The following ROBO1 variants were observed in gnomAD, a reference collection of about 807,000 sequenced individuals.
The protein encoded by ROBO1 is roundabout homolog 1.
Under a neutral mutation model 195.9 loss-of-function variants are expected in ROBO1, and 149 were observed. The ratio of observed to expected loss-of-function variants is 0.76; its 90% CI spans 0.67 to 0.87. ROBO1 has a LOEUF of 0.87. Among genes scored for constraint, ROBO1 ranks in the 40% least tolerant of loss-of-function variants. ROBO1 has a pLI of 0.00. For synonymous variants in ROBO1, 816 were observed against 733.2 expected (o/e 1.11, Z -1.82); for missense variants, 1,933 against 2,068.3 (o/e 0.93, Z 1.27).
intron 1 of ROBO1, among the ~76,000 whole-genome samples, chr3:79,746,952 G>A (rs907888796): frequency 3.3e-5 from 5 of 151,960 alleles, no homozygotes; most frequent in African/African-American, 1.2e-4. Context: ...CAGGTGATCA[G>A]TTATACTTTG....
At chr3:78,873,220 T>C (rs2035647447) in intron 4 of ROBO1, among the ~76,000 whole-genome samples, 1 of 152,180 alleles carries the variant, frequency 6.6e-6, no homozygotes, top group African/African-American at 2.4e-5. Flanking sequence ...TACTTCCTAC[T>C]TTTCTTTCCT....
At chr3:78,884,648 AAAGG>A (rs780597106) in intron 4 of ROBO1, among the ~76,000 whole-genome samples, 11,235 of 106,740 alleles carry the variant, frequency 0.11, 594 homozygotes, top group East Asian at 0.12. Flanking sequence ...AGAAAGAAAG[AAAGG>A]AAGGAAGGAA....
At chr3:79,080,490 T>C (rs368314264) in intron 3 of ROBO1, among the ~76,000 whole-genome samples, 1 of 152,026 alleles carries the variant, frequency 6.6e-6, no homozygotes, top group Admixed American at 6.6e-5. Context: ...CTAGACTATC[T>C]TTCAGTTTCT....
At chr3:79,441,455 T>C (rs890045024) in intron 2 of ROBO1, among the ~76,000 whole-genome samples, 1 of 152,172 alleles carries the variant, frequency 6.6e-6, no homozygotes, top group African/African-American at 2.4e-5. Flanking sequence ...CCAATCAGTT[T>C]TTAAGTAAAT....
intron 1 of ROBO1, among the ~76,000 whole-genome samples, chr3:79,749,206 G>T (rs565303844): frequency 2.0e-5 from 3 of 152,212 alleles, no homozygotes; most frequent in African/African-American, 7.2e-5. Flanking sequence ...GTGACATTTT[G>T]CCCCTGCCCT....
At chr3:78,864,222 T>C (rs1186978079) in intron 4 of ROBO1, among the ~76,000 whole-genome samples, 1 of 152,214 alleles carries the variant, frequency 6.6e-6, no homozygotes, top group African/African-American at 2.4e-5. Flanking sequence ...ATTTACCTTT[T>C]CTTGAACTCT....
intron 3 of ROBO1, among the ~76,000 whole-genome samples, chr3:78,950,339 T>A (rs1282141458): frequency 1.3e-5 from 2 of 151,156 alleles, no homozygotes; most frequent in Non-Finnish European, 2.9e-5. Context: ...CCATAAAAGA[T>A]CATGAGTTCA....
chr3:79,636,334 C>T (rs907447561), intron 1 of ROBO1, among the ~76,000 whole-genome samples: 1 of 152,028 alleles, frequency 6.6e-6, no homozygotes, highest in Non-Finnish European at 1.5e-5. Context: ...AGAGAAACAA[C>T]AAAAATAGGG....
chr3:78,909,261 CA>C (rs1337923608), intron 4 of ROBO1, among the ~76,000 whole-genome samples: 1 of 151,536 alleles, frequency 6.6e-6, no homozygotes, highest in African/African-American at 2.4e-5. Context: ...AAAAAATTCA[CA>C]TTAAATTTAA....
At chr3:78,634,115 C>T (rs1705344623) in intron 23 of ROBO1, 73 bp from the exon 24 acceptor site, 1 of 996,324 alleles carries the variant, frequency 1.0e-6, no homozygotes, top group African/African-American at 1.6e-5. Flanking sequence ...TCTGCTTTCT[C>T]TATATTTCTG....
intron 10 of ROBO1, among the ~76,000 whole-genome samples, chr3:78,676,042 C>A (rs1291903678): frequency 6.6e-6 from 1 of 152,062 alleles, no homozygotes; most frequent in Non-Finnish European, 1.5e-5. Flanking sequence ...CTGCAGCCAC[C>A]GCTGCTGGTA....
At chr3:79,414,798 A>T (rs962421785) in intron 2 of ROBO1, among the ~76,000 whole-genome samples, 3 of 152,118 alleles carry the variant, frequency 2.0e-5, no homozygotes, top group Admixed American at 1.3e-4. Context: ...CAAATCTGCA[A>T]TTTTTTAACA....
At chr3:79,420,850 T>A (rs950391695) in intron 2 of ROBO1, among the ~76,000 whole-genome samples, 3 of 152,130 alleles carry the variant, frequency 2.0e-5, no homozygotes, top group Non-Finnish European at 2.9e-5. Flanking sequence ...CAGTTACCAT[T>A]TGACCCAGAA....
At chr3:79,739,127 T>C (rs1220833595) in intron 1 of ROBO1, among the ~76,000 whole-genome samples, 1 of 152,158 alleles carries the variant, frequency 6.6e-6, no homozygotes, top group Non-Finnish European at 1.5e-5. Context: ...TACTGTCTGG[T>C]TTATTGGATT....
chr3:78,829,637 T>G (rs1274680827), intron 4 of ROBO1, among the ~76,000 whole-genome samples: 1 of 152,130 alleles, frequency 6.6e-6, no homozygotes, highest in Non-Finnish European at 1.5e-5. Flanking sequence ...ACTAATGATT[T>G]CCCCCTCTAC....
At chr3:79,354,913 A>C (rs2035482815) in intron 2 of ROBO1, among the ~76,000 whole-genome samples, 1 of 152,208 alleles carries the variant, frequency 6.6e-6, no homozygotes, top group South Asian at 2.1e-4. Context: ...CACGCCTGTA[A>C]TCCCAACACT....
At chr3:79,580,315 C>CA (rs113105306) in intron 2 of ROBO1, among the ~76,000 whole-genome samples, 26 of 149,880 alleles carry the variant, frequency 1.7e-4, no homozygotes, top group African/African-American at 1.7e-4. Flanking sequence ...CTACTAAAAA[C>CA]AAAAAAAAAT....
At chr3:79,687,604 C>A (rs370727316) in intron 1 of ROBO1, among the ~76,000 whole-genome samples, 3 of 152,118 alleles carry the variant, frequency 2.0e-5, no homozygotes, top group Non-Finnish European at 2.9e-5. Flanking sequence ...ATGCATCCAA[C>A]AGACACATGA....
chr3:78,645,394 G>A (rs1015845377), intron 21 of ROBO1, among the ~76,000 whole-genome samples: 11 of 149,970 alleles, frequency 7.3e-5, no homozygotes, highest in Non-Finnish European at 1.5e-4. Flanking sequence ...TTATAAGATG[G>A]TTTTGGTTGG....
Sources: gnomAD v4.1 joint callset for allele counts (sites outside exome capture counted in the v4.1 genomes callset) on GRCh38, gnomAD v4.1.1 for gene constraint, MANE v1.5 for transcripts, NCBI Gene and HGNC (gene_info 2026-07-23, HGNC 2026-07-21) for gene names.